CEP128: variants seen among roughly 807,000 people sequenced by gnomAD.
CEP128 encodes centrosomal protein 128.
A neutral mutation model predicts 156.7 loss-of-function variants in CEP128; 132 were observed. The observed-to-expected ratio is 0.84, with a 90% confidence interval of 0.73 to 0.97. The LOEUF is 0.97. Ranked by LOEUF, CEP128 falls within the 50% of genes least tolerant of loss-of-function variation. The pLI is 0.00. For missense variants in CEP128, 1,252 were observed against 1,281.9 expected (o/e 0.98, Z 0.36); for synonymous variants, 469 against 448.9 (o/e 1.04, Z -0.57).
Position 80,666,747 on chromosome 14 carries a change from C to T in CEP128, c.2806+76328G>A, listed in dbSNP as rs543579075. 1.5e-3 allele frequency among the ~76,000 whole-genome samples: 223 copies of T among 144,656 alleles called. 2 individuals are homozygous for T. Among genetic ancestry groups the T allele is most frequent in the African/African-American group, 5.3e-3 (211 of 39,628 alleles). 94.9% of individuals were successfully genotyped at this position (144,656 alleles called of 152,430 possible). Reference sequence around the variant, plus strand: ...GACAAAAAAAAAAAAAAAGACCAAACGCATAAAAACAATAAACCATGAGTC... The same window carrying T: ...GACAAAAAAAAAAAAAAAGACCAAATGCATAAAAACAATAAACCATGAGTC... On this transcript the variant is annotated intron_variant, in intron 19 of 24. Transcript: ENST00000555265.
At chr14:80,741,106 C>A (rs944698084) in intron 19 of CEP128, among the ~76,000 whole-genome samples, 2 of 151,904 alleles carry the variant, frequency 1.3e-5, no homozygotes, top group Non-Finnish European at 2.9e-5. Context: ...GCCTGGAAAG[C>A]AAGATCAGTC....
intron 8 of CEP128, among the ~76,000 whole-genome samples, chr14:80,879,338 T>A (rs893173412): frequency 6.6e-6 from 1 of 152,044 alleles, no homozygotes; most frequent in African/African-American, 2.4e-5. Flanking sequence ...TATATAGTAA[T>A]TGATCCCAAA....
intron 20 of CEP128, among the ~76,000 whole-genome samples, chr14:80,579,845 A>G (rs1891513517): frequency 6.6e-6 from 1 of 152,210 alleles, no homozygotes; most frequent in Non-Finnish European, 1.5e-5. Context: ...CATTGCTCAT[A>G]TCACAGAAAT....
At chr14:80,617,876 A>G (rs1893293638) in intron 19 of CEP128, among the ~76,000 whole-genome samples, 1 of 152,272 alleles carries the variant, frequency 6.6e-6, no homozygotes, top group African/African-American at 2.4e-5. Flanking sequence ...GTATTTGGTT[A>G]AACTATAAGC....
intron 19 of CEP128, among the ~76,000 whole-genome samples, chr14:80,679,741 C>T (rs1322867031): frequency 6.6e-6 from 1 of 151,920 alleles, no homozygotes; most frequent in East Asian, 2.0e-4. Flanking sequence ...CCTTTTTGCC[C>T]TTTGAAGCAG....
intron 13 of CEP128, among the ~76,000 whole-genome samples, chr14:80,829,582 A>G (rs1885671721): frequency 6.6e-6 from 1 of 152,158 alleles, no homozygotes. Context: ...GCCTGCATCA[A>G]TTTTAGATCC....
chr14:80,957,319 CTAGCCCT>C (rs2139675132), intron 2 of CEP128, among the ~76,000 whole-genome samples: 1 of 152,256 alleles, frequency 6.6e-6, no homozygotes, highest in Non-Finnish European at 1.5e-5. Context: ...GAACCTAACC[CTAGCCCT>C]TAGACATTGT....
At chr14:80,757,455 C>T (rs916144768) in intron 17 of CEP128, among the ~76,000 whole-genome samples, 1 of 152,154 alleles carries the variant, frequency 6.6e-6, no homozygotes, top group African/African-American at 2.4e-5. Context: ...TGACTTCACG[C>T]AAACATTGCC....
chr14:80,810,622 GT>G (rs561775625), intron 13 of CEP128, among the ~76,000 whole-genome samples: 176 of 152,110 alleles, frequency 1.2e-3, no homozygotes, highest in African/African-American at 4.0e-3. Flanking sequence ...TCCATGTCTG[GT>G]TTTGGTAACA....
rs558388424 is a variant in CEP128, at chr14:80,831,124, T to G, written c.1209+19A>C. The G allele has an allele frequency of 1.2e-6, 2 of 1,611,514 alleles. No homozygotes were observed. The highest frequency in any genetic ancestry group is 1.7e-6 in the Non-Finnish European group (2 of 1,177,686). On this transcript the variant is annotated intron_variant, in intron 13 of 24. Coordinates refer to ENST00000555265, the MANE Select transcript of CEP128 (RefSeq NM_152446.5). ...AAAATTAAAATATTTCGAATATGAC[T>G]TAAAAAGAGCAAAGTCACCTCTACT...
intron 8 of CEP128, among the ~76,000 whole-genome samples, chr14:80,876,150 G>A (rs1483155335): frequency 6.6e-6 from 1 of 151,838 alleles, no homozygotes; most frequent in African/African-American, 2.4e-5. Flanking sequence ...TTTTTGAAGA[G>A]GTAATGGTAC....
At position 80,793,141 on chromosome 14, in the gene CEP128, C is replaced by A. The variant is rs779642269; in HGVS notation, c.1210-31G>T. 6 of 1,549,106 alleles carry A rather than the reference C, an allele frequency of 3.9e-6. No homozygotes were observed. In the Admixed American group the frequency reaches 5.2e-5, roughly 14 times the overall value. On this transcript the variant is annotated intron_variant, in intron 13 of 24. Coordinates refer to ENST00000555265, the MANE Select transcript of CEP128 (RefSeq NM_152446.5). ...AATAAAGCATGCAAAACATTAGGAA[C>A]AAATCCTTGTCAAAATTGGATGTGT...
intron 19 of CEP128, among the ~76,000 whole-genome samples, chr14:80,661,013 T>C (rs763261397): frequency 6.6e-6 from 1 of 152,162 alleles, no homozygotes; most frequent in Non-Finnish European, 1.5e-5. Context: ...TCAACACATG[T>C]AGCAGAGGAA....
intron 21 of CEP128, among the ~76,000 whole-genome samples, chr14:80,547,769 A>G (rs1018308469): frequency 7.9e-5 from 12 of 151,768 alleles, no homozygotes; most frequent in African/African-American, 2.7e-4. Context: ...TTCCTCCTAT[A>G]TTAGACAAAA....
At chr14:80,829,613 G>A (rs919332877) in intron 13 of CEP128, among the ~76,000 whole-genome samples, 6 of 152,118 alleles carry the variant, frequency 3.9e-5, no homozygotes, top group Admixed American at 2.0e-4. Flanking sequence ...ACAAGGAATC[G>A]GCTGCATTTG....
At chr14:80,493,712 G>A (rs749302195), downstream of CEP128, among the ~76,000 whole-genome samples, 8 of 152,152 alleles carry the variant, frequency 5.3e-5, no homozygotes, top group Non-Finnish European at 8.8e-5. Context: ...AGTGTGGGTC[G>A]AACACTTACT....
intron 19 of CEP128, among the ~76,000 whole-genome samples, chr14:80,657,702 G>C (rs1236486910): frequency 2.0e-5 from 3 of 152,000 alleles, no homozygotes; most frequent in Non-Finnish European, 2.9e-5. Context: ...AGAAGTAGCT[G>C]TATTTAGTGT....
chr14:80,860,348 A>C (rs1887455999), intron 9 of CEP128, among the ~76,000 whole-genome samples: 1 of 152,300 alleles, frequency 6.6e-6, no homozygotes, highest in East Asian at 1.9e-4. Flanking sequence ...TTGTATTGTC[A>C]GAGATGGAAT....
intron 19 of CEP128, among the ~76,000 whole-genome samples, chr14:80,629,577 G>A (rs562454002): frequency 1.3e-5 from 2 of 150,832 alleles, no homozygotes; most frequent in East Asian, 1.9e-4. Flanking sequence ...TTTAGAAATC[G>A]GTCACTAATA....
Sources: gnomAD v4.1 joint callset for allele counts (sites outside exome capture counted in the v4.1 genomes callset) on GRCh38, gnomAD v4.1.1 for gene constraint, MANE v1.5 for transcripts, NCBI Gene and HGNC (gene_info 2026-07-23, HGNC 2026-07-21) for gene names.